RNF125: variants seen among roughly 807,000 people sequenced by gnomAD.
The protein encoded by RNF125 is ring finger protein 125, also known as E3 ubiquitin-protein ligase RNF125.
Under a neutral mutation model 26.0 loss-of-function variants are expected in RNF125, and 21 were observed. The ratio of observed to expected loss-of-function variants is 0.81; its 90% CI spans 0.57 to 1.16. The LOEUF is 1.16. Among genes scored for constraint, RNF125 ranks in the 50% most tolerant of loss-of-function variants. The pLI, the probability that RNF125 is intolerant of heterozygous loss-of-function variation, is 0.00. For synonymous variants in RNF125, 95 were observed against 109.2 expected (o/e 0.87, Z 0.81); for missense variants, 270 against 299.4 (o/e 0.90, Z 0.72).
intron 4 of RNF125, among the ~76,000 whole-genome samples, chr18:32,055,471 C>T (rs2144500567): frequency 6.6e-6 from 1 of 152,064 alleles, no homozygotes; most frequent in Admixed American, 6.6e-5. Flanking sequence ...GCTGGGGTGG[C>T]CTCAGGAATT....
rs1463082270 is a variant in RNF125, at chr18:32,070,091, A to G, written c.*1707A>G. 3 of 150,870 alleles carry G rather than the reference A, an allele frequency of 2.0e-5. No homozygotes were observed. Among genetic ancestry groups the G allele is most frequent in the Admixed American group, 6.6e-5 (1 of 15,056 alleles). 9.3% of individuals were successfully genotyped at this position (150,870 alleles called of 1,614,324 possible). On this transcript the variant is annotated 3_prime_UTR_variant, in exon 6 of 6. Coordinates refer to ENST00000217740, the MANE Select transcript of RNF125 (RefSeq NM_017831.4). ...AGTTGCACTCTGTTGCCCAGGCTGGAGTACAGTGGCACGATCTCGACTCAC... is the reference window on the plus strand; with the variant it reads ...AGTTGCACTCTGTTGCCCAGGCTGGGGTACAGTGGCACGATCTCGACTCAC...
At chr18:32,067,579 T>C (rs2039495911) in intron 5 of RNF125, among the ~76,000 whole-genome samples, 1 of 152,242 alleles carries the variant, frequency 6.6e-6, no homozygotes, top group African/African-American at 2.4e-5. Context: ...TATTTTTATC[T>C]TCATTTAACT....
intron 1 of RNF125, among the ~76,000 whole-genome samples, chr18:32,028,297 TA>T (rs1156859954): frequency 0.028 from 2,046 of 72,342 alleles, 67 homozygotes; most frequent in African/African-American, 0.096. Context: ...GACTCCGTCT[TA>T]AAAAAAAAAA....
chr18:32,089,822 TA>T, the RNF125 span, among the ~76,000 whole-genome samples: 1 of 151,150 alleles, frequency 6.6e-6, no homozygotes, highest in African/African-American at 2.5e-5. Flanking sequence ...ATGAAGCAAA[TA>T]AAATTAGGGT....
At chr18:32,051,422 G>T (rs1039519532) in intron 4 of RNF125, among the ~76,000 whole-genome samples, 2 of 151,848 alleles carry the variant, frequency 1.3e-5, no homozygotes, top group South Asian at 4.2e-4. Context: ...TTCGAGACTA[G>T]CCTGGCCAAC....
chr18:32,026,618 G>A (rs2039039659), intron 1 of RNF125, among the ~76,000 whole-genome samples: 1 of 151,962 alleles, frequency 6.6e-6, no homozygotes, highest in South Asian at 2.1e-4. Flanking sequence ...GACCCTCCCA[G>A]CACCCCCTCT....
chr18:32,042,485 A>G (rs887342610), intron 3 of RNF125, among the ~76,000 whole-genome samples: 8 of 152,238 alleles, frequency 5.3e-5, no homozygotes, highest in Admixed American at 1.3e-4. Context: ...GGGGTAACCA[A>G]CCACAGACTG....
chr18:32,065,937 TC>T lies in RNF125; in HGVS notation c.542del (p.Pro181GlnfsTer8), dbSNP rs748020332. 1 of 1,613,902 alleles carries T rather than the reference TC, an allele frequency of 6.2e-7. No individual in the cohort carries two copies. The highest frequency in any genetic ancestry group is 1.3e-5 in the African/African-American group (1 of 75,046). On this transcript the variant is annotated frameshift_variant, in exon 5 of 6. Coordinates refer to ENST00000217740, the MANE Select transcript of RNF125 (RefSeq NM_017831.4). LOFTEE classifies it high-confidence loss of function. Reference protein sequence around the residue: ...PLCRLIPDENPSSFSGSLIRH... With the variant: ...PLCRLIPDENXSSFSGSLIRH... ...TTTGCCGTTTAATACCCGATGAGAA[TC>T]CAAGCAGCTTCAGTGGCAGTTTAAT...
intron 3 of RNF125, among the ~76,000 whole-genome samples, chr18:32,044,054 T>C (rs1368932648): frequency 2.0e-5 from 3 of 152,126 alleles, no homozygotes; most frequent in South Asian, 4.1e-4. Context: ...TCACCCAGGC[T>C]GGAGTGCAGC....
chr18:32,085,783 T>C, the RNF125 span, among the ~76,000 whole-genome samples: 348 of 148,822 alleles, frequency 2.3e-3, 1 homozygote, highest in African/African-American at 8.2e-3. Context: ...CATTGGTGCC[T>C]CGTATTGGCT....
intron 1 of RNF125, among the ~76,000 whole-genome samples, chr18:32,021,944 A>G (rs1048416737): frequency 1.3e-5 from 2 of 152,166 alleles, no homozygotes; most frequent in African/African-American, 2.4e-5. Flanking sequence ...ATCTATGTCC[A>G]TTGTTCTGGC....
chr18:32,058,226 A>G (rs1306834396), intron 4 of RNF125, among the ~76,000 whole-genome samples: 1 of 151,910 alleles, frequency 6.6e-6, no homozygotes, highest in African/African-American at 2.4e-5. Flanking sequence ...AGGTGTATAT[A>G]TTTATGGGGC....
chr18:32,035,655 C>T (rs2039145285), intron 1 of RNF125, among the ~76,000 whole-genome samples: 1 of 152,092 alleles, frequency 6.6e-6, no homozygotes. Flanking sequence ...ACCAAGAATA[C>T]ATACCAGAGG....
the RNF125 span, among the ~76,000 whole-genome samples, chr18:32,090,428 C>T: frequency 1.3e-5 from 2 of 152,132 alleles, no homozygotes; most frequent in South Asian, 4.1e-4. Context: ...GTCTTGCTTC[C>T]ACTGCGCTTG....
intron 1 of RNF125, among the ~76,000 whole-genome samples, chr18:32,026,948 C>CTGG (rs2039042502): frequency 6.6e-6 from 1 of 152,184 alleles, no homozygotes; most frequent in Non-Finnish European, 1.5e-5. Flanking sequence ...GGGGTACAAC[C>CTGG]CACATTTTTG....
At chr18:32,067,194 AGT>A (rs1268176736) in intron 5 of RNF125, among the ~76,000 whole-genome samples, 1 of 152,218 alleles carries the variant, frequency 6.6e-6, no homozygotes, top group East Asian at 1.9e-4. Context: ...CGGAGCTTGC[AGT>A]GAACCGTGAT....
At chr18:32,061,962 A>G (rs1180052891) in intron 4 of RNF125, among the ~76,000 whole-genome samples, 1 of 152,234 alleles carries the variant, frequency 6.6e-6, no homozygotes, top group African/African-American at 2.4e-5. Context: ...CTAAGAATGT[A>G]GGGATCAACT....
chr18:32,063,214 C>G (rs528170851), intron 4 of RNF125, among the ~76,000 whole-genome samples: 108 of 54,436 alleles, frequency 2.0e-3, no homozygotes, highest in Non-Finnish European at 3.2e-3. Flanking sequence ...GAGCAAAACT[C>G]AAAACTCCAT....
chr18:32,056,937 T>C (rs1017639260), intron 4 of RNF125, among the ~76,000 whole-genome samples: 5 of 152,192 alleles, frequency 3.3e-5, no homozygotes, highest in Admixed American at 3.3e-4. Flanking sequence ...GGGCTGTTTA[T>C]AGTATTGAGC....
Sources: allele counts gnomAD v4.1 joint callset (sites outside exome capture counted in the v4.1 genomes callset), GRCh38; gene constraint gnomAD v4.1.1; transcripts MANE v1.5; gene names NCBI Gene and HGNC (gene_info 2026-07-23, HGNC 2026-07-21).